PRKACB: variants seen among roughly 807,000 people sequenced by gnomAD.
The protein encoded by PRKACB is protein kinase cAMP-activated catalytic subunit beta.
Under a neutral mutation model 51.4 loss-of-function variants are expected in PRKACB, and 16 were observed. That is an observed-to-expected ratio of 0.31 (90% CI 0.21 to 0.47). PRKACB has a LOEUF of 0.47. PRKACB is among the 20% of genes least tolerant of loss of function. PRKACB has a pLI of 1.00. For missense variants in PRKACB, 309 were observed against 464.5 expected (o/e 0.67, Z 3.08); for synonymous variants, 147 against 154.4 (o/e 0.95, Z 0.35).
At chr1:84,169,543 A>G (rs1658697499) in intron 1 of PRKACB, among the ~76,000 whole-genome samples, 1 of 151,720 alleles carries the variant, frequency 6.6e-6, no homozygotes, top group Admixed American at 6.6e-5. Context: ...AATAGAATGT[A>G]GAGGAAATGG....
intron 7 of PRKACB, among the ~76,000 whole-genome samples, chr1:84,200,644 T>C (rs960663148): frequency 2.6e-5 from 4 of 152,170 alleles, no homozygotes; most frequent in African/African-American, 9.6e-5. Flanking sequence ...TTAATCCATT[T>C]TGAGTTGATT....
chr1:84,124,763 T>A (rs1040753652), intron 1 of PRKACB, among the ~76,000 whole-genome samples: 1 of 152,168 alleles, frequency 6.6e-6, no homozygotes, highest in African/African-American at 2.4e-5. Context: ...ATCTTCACAT[T>A]TCAGGTATTT....
chr1:84,206,030 G>T (rs1433225357), intron 8 of PRKACB, among the ~76,000 whole-genome samples: 1 of 152,046 alleles, frequency 6.6e-6, no homozygotes, highest in African/African-American at 2.4e-5. Context: ...TAGCACCTTT[G>T]TCTGGCTGCG....
intron 1 of PRKACB, chr1:84,173,452 G>C: frequency 9.6e-7 from 1 of 1,037,080 alleles, no homozygotes; most frequent in East Asian, 2.6e-5. Context: ...ATTTTGTGTT[G>C]AGTTTTTACA....
chr1:84,157,149 AT>A (rs955958999), intron 1 of PRKACB, among the ~76,000 whole-genome samples: 28 of 152,136 alleles, frequency 1.8e-4, no homozygotes, highest in African/African-American at 6.7e-4. Context: ...TTCCTGTTTC[AT>A]TTTTTTATGC....
chr1:84,197,605 A>T, intron 6 of PRKACB, 124 bp from the exon 7 acceptor site: 1 of 603,916 alleles, frequency 1.7e-6, no homozygotes, highest in South Asian at 2.6e-5. Flanking sequence ...AATTACGTGG[A>T]CTTAATTTTT....
At chr1:84,216,496 A>G (rs970318) in intron 9 of PRKACB, among the ~76,000 whole-genome samples, 63,474 of 152,094 alleles carry the variant, frequency 0.42, 15,105 homozygotes, top group Non-Finnish European at 0.55. Flanking sequence ...TTCATGAATC[A>G]TGGCTGTCAG....
chr1:84,186,233 T>C (rs1665063900), intron 5 of PRKACB, among the ~76,000 whole-genome samples: 1 of 152,022 alleles, frequency 6.6e-6, no homozygotes, highest in Non-Finnish European at 1.5e-5. Flanking sequence ...TTGGTTTTTT[T>C]TTTGAGACTG....
chr1:84,180,221 T>C (rs1572130204), intron 2 of PRKACB, among the ~76,000 whole-genome samples: 1 of 133,482 alleles, frequency 7.5e-6, no homozygotes, highest in Admixed American at 7.6e-5. Context: ...TATGATGGAG[T>C]ACTATGCAGC....
At chr1:84,168,070 TA>T (rs1253090893) in intron 1 of PRKACB, among the ~76,000 whole-genome samples, 1 of 151,592 alleles carries the variant, frequency 6.6e-6, no homozygotes, top group East Asian at 1.9e-4. Flanking sequence ...GTAAGGCCCT[TA>T]TGTTTAGAGG....
intron 9 of PRKACB, among the ~76,000 whole-genome samples, chr1:84,231,108 A>G (rs1309556313): frequency 1.3e-5 from 2 of 151,284 alleles, no homozygotes; most frequent in African/African-American, 4.9e-5. Flanking sequence ...CGTCCCATCA[A>G]TACCTAATTT....
At chr1:84,170,273 C>T (rs1658992883) in intron 1 of PRKACB, among the ~76,000 whole-genome samples, 1 of 151,576 alleles carries the variant, frequency 6.6e-6, no homozygotes, top group Admixed American at 6.6e-5. Flanking sequence ...AGCCAGGATC[C>T]TGCAAGGATC....
chr1:84,182,047 A>T (rs1421279422), intron 2 of PRKACB, among the ~76,000 whole-genome samples, 153 bp from the exon 3 acceptor site: 2 of 152,072 alleles, frequency 1.3e-5, no homozygotes, highest in African/African-American at 2.4e-5. Context: ...AAATAGAACC[A>T]ATAAACTGGA....
chr1:84,159,229 G>A, intron 1 of PRKACB, among the ~76,000 whole-genome samples: 1 of 152,032 alleles, frequency 6.6e-6, no homozygotes, highest in East Asian at 1.9e-4. Flanking sequence ...TTAACTTGTA[G>A]AGAATTGTTA....
chr1:84,173,432 C>A, intron 1 of PRKACB: 1 of 1,201,016 alleles, frequency 8.3e-7, no homozygotes, highest in Non-Finnish European at 1.2e-6. Context: ...TATTTTGTGG[C>A]AATTAGAATA....
chr1:84,210,226 G>A, intron 8 of PRKACB, among the ~76,000 whole-genome samples: 1 of 151,840 alleles, frequency 6.6e-6, no homozygotes, highest in East Asian at 1.9e-4. Flanking sequence ...TCTAATGGTT[G>A]GAAAACAATC....
intron 9 of PRKACB, among the ~76,000 whole-genome samples, chr1:84,218,010 A>C (rs1235554398): frequency 6.6e-6 from 1 of 152,052 alleles, no homozygotes; most frequent in Non-Finnish European, 1.5e-5. Flanking sequence ...GAACTTTTTA[A>C]ATTTTTATTG....
chr1:84,154,909 C>G (rs898146204), intron 1 of PRKACB, among the ~76,000 whole-genome samples: 2 of 151,970 alleles, frequency 1.3e-5, no homozygotes, highest in South Asian at 2.1e-4. Flanking sequence ...ATAGGATAAG[C>G]CCTCAGCTAA....
chr1:84,237,522 C>T lies in PRKACB; in HGVS notation c.*2217C>T, dbSNP rs959833532. Reference sequence around the variant, plus strand: ...ACATACGTTGGTTTTGAGGGCTATTCAGCCATTCCATTTTACTCTCTATTT... The same window carrying T: ...ACATACGTTGGTTTTGAGGGCTATTTAGCCATTCCATTTTACTCTCTATTT... On this transcript the variant is annotated 3_prime_UTR_variant, in exon 10 of 10. Coordinates refer to ENST00000370685, the MANE Select transcript of PRKACB (RefSeq NM_182948.4). 1.3e-5 allele frequency: 2 copies of T among 152,190 alleles called. No homozygotes were observed. Among genetic ancestry groups the T allele is most frequent in the Non-Finnish European group, 2.9e-5 (2 of 67,960 alleles). 9.4% of individuals were successfully genotyped at this position (152,190 alleles called of 1,614,324 possible).
Sources: gnomAD v4.1 joint callset for allele counts (sites outside exome capture counted in the v4.1 genomes callset) on GRCh38, gnomAD v4.1.1 for gene constraint, MANE v1.5 for transcripts, NCBI Gene and HGNC (gene_info 2026-07-23, HGNC 2026-07-21) for gene names.